The following USP37 variants were observed in gnomAD, a reference collection of about 807,000 sequenced individuals.
The protein encoded by USP37 is ubiquitin specific peptidase 37, also known as ubiquitin carboxyl-terminal hydrolase 37.
A neutral mutation model predicts 124.0 loss-of-function variants in USP37; 27 were observed. The ratio of observed to expected loss-of-function variants is 0.22; its 90% CI spans 0.16 to 0.30. The LOEUF (loss-of-function observed/expected upper bound fraction) is 0.30. Ranked by LOEUF, USP37 falls within the 10% of genes least tolerant of loss-of-function variation. The probability of loss-of-function intolerance (pLI) is 1.00; values close to 1 mark genes in which losing one functional copy is unlikely to be tolerated. For missense variants in USP37, 889 were observed against 1,140.4 expected, an observed-to-expected ratio of 0.78 and a Z score of 3.17; for synonymous variants, 365 against 388.0, an observed-to-expected ratio of 0.94 and a Z score of 0.70.
intron 8 of USP37, among the ~76,000 whole-genome samples, chr2:218,544,941 A>G (rs1257799013): frequency 6.6e-6 from 1 of 152,216 alleles, no homozygotes; most frequent in Non-Finnish European, 1.5e-5. Context: ...CATGAGGGGC[A>G]TGGTCCAAGG....
At chr2:218,519,195 C>T (rs76534886) in intron 10 of USP37, among the ~76,000 whole-genome samples, 28 of 152,266 alleles carry the variant, frequency 1.8e-4, no homozygotes, top group African/African-American at 6.7e-4. Context: ...AAAAAATGTA[C>T]ATCTAAGAAT....
intron 17 of USP37, among the ~76,000 whole-genome samples, chr2:218,481,406 C>G (rs1190375482): frequency 6.6e-6 from 1 of 152,112 alleles, no homozygotes; most frequent in Non-Finnish European, 1.5e-5. Flanking sequence ...TGAAACAGAA[C>G]TTCCAGGGAA....
intron 23 of USP37, among the ~76,000 whole-genome samples, chr2:218,458,253 TAAA>T (rs33911503): frequency 2.8e-5 from 2 of 70,932 alleles, no homozygotes; most frequent in Non-Finnish European, 4.9e-5. Flanking sequence ...AGACCTTGCC[TAAA>T]AAAAAAAAAA....
At chr2:218,552,067 C>T (rs1692691839) in intron 5 of USP37, among the ~76,000 whole-genome samples, 1 of 152,108 alleles carries the variant, frequency 6.6e-6, no homozygotes, top group Admixed American at 6.5e-5. Context: ...GCTGGGATTA[C>T]AGGTGTGAGC....
intron 23 of USP37, among the ~76,000 whole-genome samples, 200 bp downstream of exon 23, chr2:218,459,590 T>G (rs991033976): frequency 9.2e-5 from 14 of 152,288 alleles, no homozygotes; most frequent in South Asian, 8.3e-4. Flanking sequence ...TTCCTGTTTT[T>G]TTTGTTTGTT....
intron 15 of USP37, among the ~76,000 whole-genome samples, chr2:218,487,093 A>G (rs747358254): frequency 1.3e-5 from 2 of 152,198 alleles, no homozygotes; most frequent in South Asian, 2.1e-4. Context: ...AAGGACCGCT[A>G]CTAGACAGAT....
At chr2:218,538,480 A>G (rs1226309882) in intron 8 of USP37, among the ~76,000 whole-genome samples, 1 of 152,234 alleles carries the variant, frequency 6.6e-6, no homozygotes, top group Non-Finnish European at 1.5e-5. Flanking sequence ...AACACTAAAG[A>G]GACACTAAAC....
At chr2:218,502,718 A>G (rs1007916492) in intron 11 of USP37, among the ~76,000 whole-genome samples, 2 of 152,204 alleles carry the variant, frequency 1.3e-5, no homozygotes, top group African/African-American at 4.8e-5. Context: ...AATCACTTAC[A>G]AGGGCAGAAG....
intron 24 of USP37, among the ~76,000 whole-genome samples, chr2:218,456,881 A>T (rs1431451640): frequency 1.3e-5 from 2 of 152,042 alleles, no homozygotes; most frequent in African/African-American, 4.8e-5. Context: ...GAGACAGCAG[A>T]ATCACTTGGA....
rs1035001894 is a variant in USP37 at position 218,479,545 on chromosome 2, T to C, written c.1901+105A>G. ...GTATAGGTAATAAAGAGCATTATCA[T>C]GCAAAAAGAAAAACAATAATGAAAA... On this transcript the variant is annotated intron_variant, in intron 18 of 25. Coordinates refer to ENST00000258399, the MANE Select transcript of USP37 (RefSeq NM_020935.3). The C allele has an allele frequency of 3.2e-6, 3 of 939,260 alleles. No individual in the cohort carries two copies. The South Asian group carries it at 4.1e-5, about 13-fold the overall frequency. 58.2% of individuals were successfully genotyped at this position (939,260 alleles called of 1,614,324 possible). A position where few individuals can be genotyped will look rare whatever the true frequency, so the allele number is the denominator to read the frequency against.
In USP37 at chr2:218,452,840, GAATT is replaced by G. The variant is rs1481784544; in HGVS notation, c.*2086_*2089del. 6 of 152,076 alleles carry G rather than the reference GAATT, an allele frequency of 3.9e-5. No homozygotes were observed. The highest frequency in any genetic ancestry group is 6.6e-5 in the Admixed American group (1 of 15,250). 9.4% of individuals were successfully genotyped at this position (152,076 alleles called of 1,614,324 possible). A position where few individuals can be genotyped will look rare whatever the true frequency, so the allele number is the denominator to read the frequency against. On this transcript the variant is annotated 3_prime_UTR_variant, in exon 26 of 26. Transcript: ENST00000258399. ...CTCTCAAATGCAAAGACACGTAAAA[GAATT>G]AATAACTAGCCAAAGAATTTTATCA... is the stretch of plus-strand genomic sequence containing the variant.
chr2:218,518,893 C>T (rs1013080283), intron 10 of USP37, among the ~76,000 whole-genome samples: 4 of 152,124 alleles, frequency 2.6e-5, no homozygotes, highest in South Asian at 4.1e-4. Flanking sequence ...ACTATGTCTC[C>T]GGGAGTTTCC....
At chr2:218,566,299 A>C (rs999506860) in intron 1 of USP37, among the ~76,000 whole-genome samples, 1 of 152,226 alleles carries the variant, frequency 6.6e-6, no homozygotes, top group African/African-American at 2.4e-5. Context: ...AGGGAAATTA[A>C]AAGCAATGTG....
intron 11 of USP37, chr2:218,500,696 C>T (rs910060529): frequency 6.6e-6 from 1 of 152,106 alleles, no homozygotes; most frequent in Non-Finnish European, 1.5e-5. Flanking sequence ...TTTAATAGAA[C>T]ATCCCTCATA....
rs1689663065 is a variant in USP37 at position 218,455,733 on chromosome 2, A to G, written c.2714-15T>C. The G allele has an allele frequency of 4.3e-6, 7 of 1,610,702 alleles. No individual in the cohort carries two copies. The Admixed American group carries it at 6.7e-5, about 15-fold the overall frequency. Reference sequence around the variant, plus strand: ...AATGTAATGACCTGAAACAAATAACATCTTAAAATCAAGGTTTTTAAAAAC... The same window carrying G: ...AATGTAATGACCTGAAACAAATAACGTCTTAAAATCAAGGTTTTTAAAAAC... On this transcript the variant is annotated splice_polypyrimidine_tract_variant and intron_variant, in intron 24 of 25. Coordinates refer to ENST00000258399, the MANE Select transcript of USP37 (RefSeq NM_020935.3).
chr2:218,564,043 C>A (rs989857077), intron 1 of USP37, among the ~76,000 whole-genome samples: 1 of 152,092 alleles, frequency 6.6e-6, no homozygotes, highest in African/African-American at 2.4e-5. Flanking sequence ...TACACTCCAG[C>A]CTGGGTGAGG....
intron 11 of USP37, among the ~76,000 whole-genome samples, chr2:218,503,897 C>T (rs547114714): frequency 6.6e-6 from 1 of 152,212 alleles, no homozygotes; most frequent in South Asian, 2.1e-4. Flanking sequence ...TAAACTCAGC[C>T]TTATCCATAA....
chr2:218,529,311 G>T (rs1453851970), intron 10 of USP37, among the ~76,000 whole-genome samples: 1 of 152,162 alleles, frequency 6.6e-6, no homozygotes, highest in East Asian at 1.9e-4. Context: ...TTTGAGATCA[G>T]CCTGGTCAAT....
At chr2:218,478,134 G>C (rs1418847249) in intron 18 of USP37, among the ~76,000 whole-genome samples, 1 of 152,138 alleles carries the variant, frequency 6.6e-6, no homozygotes, top group Non-Finnish European at 1.5e-5. Context: ...TAAGAGGCCA[G>C]AGTGGAAATC....
Sources: gnomAD v4.1 joint callset for allele counts (sites outside exome capture counted in the v4.1 genomes callset) on GRCh38, gnomAD v4.1.1 for gene constraint, MANE v1.5 for transcripts, NCBI Gene and HGNC (gene_info 2026-07-23, HGNC 2026-07-21) for gene names.